Variants in SEM1 observed in about 807,000 individuals in gnomAD.
SEM1 encodes SEM1 26S proteasome subunit, also known as 26S proteasome complex subunit SEM1.
SEM1 carries 3 observed loss-of-function variants against 12.7 expected under a neutral mutation model. The ratio of observed to expected loss-of-function variants is 0.24; its 90% CI spans 0.11 to 0.61. The LOEUF (loss-of-function observed/expected upper bound fraction) is 0.61. Ranked by LOEUF, SEM1 falls within the 20% of genes least tolerant of loss-of-function variation. The pLI is 0.88. For missense variants in SEM1, 59 were observed against 81.3 expected (o/e 0.73, Z 1.06); for synonymous variants, 30 against 27.8 (o/e 1.08, Z -0.25).
chr7:96,586,979 G>A (rs2116107195), intron 2 of SEM1, among the ~76,000 whole-genome samples: 1 of 152,182 alleles, frequency 6.6e-6, no homozygotes, highest in African/African-American at 2.4e-5. Context: ...CCACTGAGGT[G>A]TTGATATTAT....
downstream of SEM1, among the ~76,000 whole-genome samples, chr7:96,617,852 A>G (rs992325778): frequency 1.3e-5 from 2 of 152,122 alleles, no homozygotes; most frequent in African/African-American, 2.4e-5. Flanking sequence ...ATTGATTTGC[A>G]TATGTTGAAC....
exon 4 of SEM1, chr7:96,481,811 A>G (rs1042263680): frequency 6.6e-6 from 1 of 152,142 alleles, no homozygotes; most frequent in Admixed American, 6.5e-5. Flanking sequence ...CCTAGTTACC[A>G]ATATAAAGAA....
chr7:96,513,436 T>A (rs1222338114), intron 2 of SEM1, among the ~76,000 whole-genome samples: 1 of 152,134 alleles, frequency 6.6e-6, no homozygotes, highest in Admixed American at 6.6e-5. Context: ...ACTAGAGAAG[T>A]ATAAAGTACA....
chr7:96,492,112 G>A (rs527698949), intron 1 of SEM1, among the ~76,000 whole-genome samples: 1 of 152,194 alleles, frequency 6.6e-6, no homozygotes, highest in African/African-American at 2.4e-5. Context: ...CCATTGTTGA[G>A]TATACATTTC....
chr7:96,651,740 G>A (rs939995808), intron 2 of SEM1, among the ~76,000 whole-genome samples: 7 of 152,056 alleles, frequency 4.6e-5, no homozygotes, highest in African/African-American at 1.7e-4. Context: ...CCCAGCTAAT[G>A]TTTATATTTT....
At chr7:96,705,267 AG>A (rs1287146357) in intron 1 of SEM1, among the ~76,000 whole-genome samples, 1 of 152,036 alleles carries the variant, frequency 6.6e-6, no homozygotes, top group Non-Finnish European at 1.5e-5. Flanking sequence ...GAAAAAGTAT[AG>A]AATACTTAGT....
At chr7:96,568,308 G>T (rs887263416) in intron 2 of SEM1, among the ~76,000 whole-genome samples, 7 of 151,576 alleles carry the variant, frequency 4.6e-5, no homozygotes, top group African/African-American at 9.7e-5. Flanking sequence ...TCTGCACTAA[G>T]GTTCTCAACT....
chr7:96,596,504 T>A (rs148016490), intron 2 of SEM1, among the ~76,000 whole-genome samples: 1 of 152,188 alleles, frequency 6.6e-6, no homozygotes, highest in Non-Finnish European at 1.5e-5. Context: ...GGAGGCCGTG[T>A]GCATCTTGAT....
At chr7:96,577,835 T>C (rs1163720131) in intron 2 of SEM1, among the ~76,000 whole-genome samples, 6 of 150,908 alleles carry the variant, frequency 4.0e-5, no homozygotes, top group Admixed American at 2.0e-4. Context: ...TAAACCACCA[T>C]GAGCAAGAGT....
At chr7:96,707,904 G>C (rs1450952167) in intron 1 of SEM1, among the ~76,000 whole-genome samples, 3 of 152,152 alleles carry the variant, frequency 2.0e-5, no homozygotes, top group African/African-American at 7.2e-5. Context: ...CTATGTATCA[G>C]GCACTTTGCT....
chr7:96,535,056 T>A (rs1002678079), intron 2 of SEM1, among the ~76,000 whole-genome samples: 1 of 151,998 alleles, frequency 6.6e-6, no homozygotes, highest in Non-Finnish European at 1.5e-5. Context: ...ATGGTTTGCA[T>A]AGCAAAATTA....
chr7:96,566,499 A>G (rs1280511045), intron 2 of SEM1, among the ~76,000 whole-genome samples: 1 of 151,554 alleles, frequency 6.6e-6, no homozygotes, highest in African/African-American at 2.4e-5. Flanking sequence ...GTTTTAAAAT[A>G]TTTTTTCTAA....
intron 2 of SEM1, among the ~76,000 whole-genome samples, chr7:96,668,040 G>A (rs955713059): frequency 3.3e-5 from 5 of 152,096 alleles, no homozygotes; most frequent in African/African-American, 1.2e-4. Flanking sequence ...ACCCACCCAC[G>A]AATACTACTT....
At chr7:96,671,992 T>C (rs925354503), downstream of SEM1, among the ~76,000 whole-genome samples, 2 of 152,238 alleles carry the variant, frequency 1.3e-5, no homozygotes, top group Non-Finnish European at 2.9e-5. Context: ...CCAAATATAG[T>C]ACTCCCTGGC....
chr7:96,500,356 G>C (rs554972302), upstream of SEM1, among the ~76,000 whole-genome samples: 1 of 152,176 alleles, frequency 6.6e-6, no homozygotes, highest in East Asian at 1.9e-4. Flanking sequence ...CTGTGAAAAT[G>C]CTGTGATTTC....
chr7:96,660,269 ATAAC>A (rs1230777975), intron 2 of SEM1, among the ~76,000 whole-genome samples: 1 of 152,156 alleles, frequency 6.6e-6, no homozygotes, highest in Non-Finnish European at 1.5e-5. Flanking sequence ...AAAATTGCAG[ATAAC>A]TAATAAAATA....
chr7:96,690,539 G>A (rs1294695969), intron 2 of SEM1, among the ~76,000 whole-genome samples: 4 of 152,080 alleles, frequency 2.6e-5, no homozygotes, highest in African/African-American at 7.2e-5. Flanking sequence ...CTGCTGAGTG[G>A]AAAAATCAAC....
At chr7:96,604,533 T>A (rs1254031715) in intron 2 of SEM1, among the ~76,000 whole-genome samples, 1 of 152,258 alleles carries the variant, frequency 6.6e-6, no homozygotes, top group African/African-American at 2.4e-5. Context: ...TATTCCAACT[T>A]ATAAGATGCT....
chr7:96,580,419 G>A (rs1438467401), intron 2 of SEM1, among the ~76,000 whole-genome samples: 5 of 150,790 alleles, frequency 3.3e-5, no homozygotes, highest in South Asian at 2.2e-4. Flanking sequence ...GAATAATGCC[G>A]CAATAAACAT....
Sources: gnomAD v4.1 joint callset for allele counts (sites outside exome capture counted in the v4.1 genomes callset) on GRCh38, gnomAD v4.1.1 for gene constraint, MANE v1.5 for transcripts, NCBI Gene and HGNC (gene_info 2026-07-23, HGNC 2026-07-21) for gene names.